Variants in ZNF483 observed in about 807,000 individuals in gnomAD.
ZNF483 encodes the protein zinc finger protein HIT-10.
ZNF483 carries 9 observed loss-of-function variants against 28.6 expected under a neutral mutation model. The observed-to-expected ratio is 0.32, with a 90% confidence interval of 0.19 to 0.55. The LOEUF (loss-of-function observed/expected upper bound fraction) is 0.55, where lower values mean the gene tolerates loss of function less well. Ranked by LOEUF, ZNF483 falls within the 20% of genes least tolerant of loss-of-function variation. The pLI, the probability that ZNF483 is intolerant of heterozygous loss-of-function variation, is 0.93. For missense variants in ZNF483, 675 were observed against 871.7 expected (o/e 0.77, Z 2.84); for synonymous variants, 322 against 306.2 (o/e 1.05, Z -0.54).
At chr9:111,536,898 T>A (rs1827519458) in intron 5 of ZNF483, among the ~76,000 whole-genome samples, 1 of 152,178 alleles carries the variant, frequency 6.6e-6, no homozygotes, top group Admixed American at 6.5e-5. Context: ...AAAATAACAT[T>A]TACGGTACTG....
Position 111,552,233 on chromosome 9 carries a change from T to A in ZNF483, c.*9063T>A, listed in dbSNP as rs1009792248. Among the ~76,000 whole-genome samples, 1 of 152,238 alleles carries A rather than the reference T, an allele frequency of 6.6e-6. No homozygotes were observed. Among genetic ancestry groups the A allele is most frequent in the Non-Finnish European group, 1.5e-5 (1 of 68,044 alleles). On this transcript the variant is annotated 3_prime_UTR_variant, in exon 6 of 6. Transcript: ENST00000309235. ...ACAGGAAATCCTTATAAAATTCTTTTGTAAGTCATCCAGGTAACATTGGTA... is the reference window on the plus strand; with the variant it reads ...ACAGGAAATCCTTATAAAATTCTTTAGTAAGTCATCCAGGTAACATTGGTA...
At chr9:111,526,253 G>A (rs571409979) in intron 1 of ZNF483, among the ~76,000 whole-genome samples, 6 of 152,324 alleles carry the variant, frequency 3.9e-5, no homozygotes, top group Middle Eastern at 3.4e-3. Flanking sequence ...CAAAGGCTAG[G>A]AGAGTATGTA....
At chr9:111,560,608 G>A (rs1484868343) in intron 5 of ZNF483, among the ~76,000 whole-genome samples, 2 of 124,282 alleles carry the variant, frequency 1.6e-5, no homozygotes, top group African/African-American at 6.4e-5. Context: ...GCTACTGCAC[G>A]TCAGCCTGGG....
chr9:111,542,751 C>T lies in ZNF483; in HGVS notation c.1816C>T (p.Pro606Ser). 6.2e-7 allele frequency: 1 copy of T among 1,614,026 alleles called. No homozygotes were observed. The highest frequency in any genetic ancestry group is 8.5e-7 in the Non-Finnish European group (1 of 1,179,990). The change falls in exon 6 of 6, where the codon CCA becomes TCA. Residue 606 changes from proline to serine, a missense_variant. This residue lies in a region of ZNF483 where 47 missense variants were observed against 93.5 expected (regional missense o/e 0.50). Transcript: ENST00000309235. This position sits in a 1 kb window ranked among gnomAD's most constrained non-coding sequence, Gnocchi z 6.2. ...TCAGAGAATTCACACTGGAGAAAAA[C>T]CATATTTGTGTAATGATTGCGGAAT... ...RHQRIHTGEK[P>S]YLCNDCGMTF...
downstream of ZNF483, among the ~76,000 whole-genome samples, chr9:111,559,594 ACACT>A (rs886220641): frequency 8.7e-5 from 13 of 150,220 alleles, no homozygotes; most frequent in Admixed American, 2.6e-4. Context: ...CCACACACAC[ACACT>A]CACACACACA....
At chr9:111,560,324 A>G (rs113731800), downstream of ZNF483, among the ~76,000 whole-genome samples, 31 of 151,928 alleles carry the variant, frequency 2.0e-4, no homozygotes, top group African/African-American at 6.5e-4. Context: ...AATACAAAAA[A>G]TTAGCCAGGC....
intron 5 of ZNF483, chr9:111,570,181 C>T (rs202024566): frequency 1.2e-6 from 2 of 1,614,030 alleles, no homozygotes; most frequent in Non-Finnish European, 1.7e-6. Context: ...TGCGAAGCTC[C>T]TGATAGATAA....
At chr9:111,575,823 T>C (rs10115571) in intron 5 of ZNF483, among the ~76,000 whole-genome samples, 44,470 of 152,078 alleles carry the variant, frequency 0.29, 7,897 homozygotes, top group Non-Finnish European at 0.41. Context: ...TAAATATTCA[T>C]GACTCTGAGA....
rs1564608159 is a variant in ZNF483 at position 111,561,156 on chromosome 9, A to AGG, written c.722-15208_722-15207insGG. On this transcript the variant is annotated intron_variant, in intron 5 of 5. Transcript: ENST00000358151. ...AGAGAGAGGAGAGAGAGGGAGAGAG[A>AGG]GAGAGAGAGAGAGAGAGAGAGAAAG... 1.1e-4 allele frequency among the ~76,000 whole-genome samples: 12 copies of AGG among 110,170 alleles called. No homozygotes were observed. In the East Asian group the frequency reaches 1.2e-3, roughly 11 times the overall value. The allele number at this position is 110,170 out of a possible 152,430, so 72.3% of individuals were successfully genotyped here.
rs548138390 is a variant in ZNF483, at chr9:111,543,337, G to A, written c.*167G>A. The A allele has an allele frequency of 7.2e-6, 10 of 1,395,348 alleles. No homozygotes were observed. Among genetic ancestry groups the A allele is most frequent in the South Asian group, 5.3e-5 (3 of 57,016 alleles). 86.4% of individuals were successfully genotyped at this position (1,395,348 alleles called of 1,614,324 possible). On this transcript the variant is annotated 3_prime_UTR_variant, in exon 6 of 6. Coordinates refer to ENST00000309235, the MANE Select transcript of ZNF483 (RefSeq NM_133464.5). ...CCCTCTTCTTTTCAAGGATGGCAAC[G>A]ACTGGTAAACAGTAATTAGTTGGTA...
chr9:111,556,702 T>C (rs999279572), downstream of ZNF483, among the ~76,000 whole-genome samples: 1 of 152,204 alleles, frequency 6.6e-6, no homozygotes, highest in African/African-American at 2.4e-5. Context: ...GTTCTCATGA[T>C]AGTGAGTTCT....
rs758716175 is a variant in ZNF483, at chr9:111,570,038, A to C, written c.722-6327A>C. ...GGTAGAACAAAAGCCTTGAGAGGCA[A>C]AGGGAGTGTGACCTAGTGTACAATT... On this transcript the variant is annotated intron_variant, in intron 5 of 5. Transcript: ENST00000358151. The C allele has an allele frequency of 3.1e-6, 5 of 1,609,034 alleles. No homozygotes were observed. In the East Asian group the frequency reaches 8.9e-5, roughly 29 times the overall value.
At chr9:111,577,056 A>C (rs1829089480) in exon 6 of ZNF483, 1 of 151,992 alleles carries the variant, frequency 6.6e-6, no homozygotes, top group Admixed American at 6.6e-5. Flanking sequence ...GCGCCACTGC[A>C]CTCCAGCCTG....
chr9:111,553,605 T>A lies in ZNF483; in HGVS notation c.*10435T>A, dbSNP rs1486582516. On this transcript the variant is annotated 3_prime_UTR_variant, in exon 6 of 6. Transcript: ENST00000309235. ...TGATACTGACTAGATTGGTGACGTGTTTATGTGTAACACTAGTGATAATGC... is the reference window on the plus strand; with the variant it reads ...TGATACTGACTAGATTGGTGACGTGATTATGTGTAACACTAGTGATAATGC... Among the ~76,000 whole-genome samples, 1 of 152,166 alleles carries A rather than the reference T, an allele frequency of 6.6e-6. No individual in the cohort carries two copies. The highest frequency in any genetic ancestry group is 2.4e-5 in the African/African-American group (1 of 41,448).
At chr9:111,573,706 TAA>T in intron 5 of ZNF483, among the ~76,000 whole-genome samples, 1 of 152,062 alleles carries the variant, frequency 6.6e-6, no homozygotes, top group Admixed American at 6.6e-5. Flanking sequence ...CAATAGGAGT[TAA>T]AGAGTCTCTG....
Position 111,542,433 on chromosome 9 carries a change from T to G in ZNF483, c.1498T>G (p.Cys500Gly). The stretch of plus-strand genomic sequence containing the variant: ...AGAGAAACCCTTCAAATGTGATGAC[T>G]GTGGGAAAGGTTTCACCCTAAGTGC... ...SGEKPFKCDDCGKGFTLSAHL... is the reference protein window; with the variant it reads ...SGEKPFKCDDGGKGFTLSAHL... Residue 500 changes from cysteine to glycine, a missense_variant, in exon 6 of 6, where the codon TGT becomes GGT. Around this residue, in one of 6 missense-constraint regions of ZNF483, gnomAD observed 525 missense variants for 581.8 expected, o/e 0.90. Coordinates refer to ENST00000309235, the MANE Select transcript of ZNF483 (RefSeq NM_133464.5). This position sits in a 1 kb window ranked among gnomAD's most constrained non-coding sequence, Gnocchi z 6.2. 2 of 1,614,178 alleles carry G rather than the reference T, an allele frequency of 1.2e-6. No individual in the cohort carries two copies. Among genetic ancestry groups the G allele is most frequent in the Non-Finnish European group, 1.7e-6 (2 of 1,180,020 alleles).
chr9:111,568,461 TGAA>T (rs1828672614), intron 5 of ZNF483, among the ~76,000 whole-genome samples: 1 of 152,148 alleles, frequency 6.6e-6, no homozygotes, highest in African/African-American at 2.4e-5. Context: ...TTTCTGTTGT[TGAA>T]GATGTTTATC....
chr9:111,528,076 G>A, intron 2 of ZNF483: 1 of 1,352,130 alleles, frequency 7.4e-7, no homozygotes, highest in Non-Finnish European at 9.7e-7. Flanking sequence ...ATATATGGTG[G>A]ATGCTCAAGA....
Position 111,533,774 on chromosome 9 carries a change from T to C in ZNF483, c.537T>C (p.Phe179=), listed in dbSNP as rs1827407455. 1.3e-6 allele frequency: 2 copies of C among 1,587,156 alleles called. No individual in the cohort carries two copies. The highest frequency in any genetic ancestry group is 1.2e-5 in the South Asian group (1 of 85,504). ...CATTGAAGGATGTAGCTGTGAACTT[T>C]TCAAGAGGAGAGTGGAAGAAGCTGG... ...SITLKDVAVN[F]SRGEWKKLEP... is the part of the protein sequence containing the mutation. Residue 179 remains phenylalanine, a synonymous_variant, in exon 4 of 6, where the codon TTT becomes TTC. Transcript: ENST00000309235.
Sources: gnomAD v4.1 joint callset for allele counts (sites outside exome capture counted in the v4.1 genomes callset) on GRCh38, gnomAD v4.1.1 for gene constraint, gnomAD v4.1.1 regional missense constraint, Gnocchi (gnomAD v3.1) non-coding constraint, MANE v1.5 for transcripts, NCBI Gene and HGNC (gene_info 2026-07-23, HGNC 2026-07-21) for gene names.